CDH3: variants seen among roughly 807,000 people sequenced by gnomAD.
The protein encoded by CDH3 is cadherin 3, also known as cadherin-3.
CDH3 carries 54 observed loss-of-function variants against 82.0 expected under a neutral mutation model. The ratio of observed to expected loss-of-function variants is 0.66; its 90% CI spans 0.53 to 0.83. The LOEUF is 0.83. CDH3 is among the 40% of genes least tolerant of loss of function. The pLI, the probability that CDH3 is intolerant of heterozygous loss-of-function variation, is 0.00. For synonymous variants in CDH3, 446 were observed against 437.9 expected (o/e 1.02, Z -0.23); for missense variants, 1,054 against 1,084.6 (o/e 0.97, Z 0.40).
downstream of CDH3, among the ~76,000 whole-genome samples, chr16:68,731,193 C>T (rs1047110136): frequency 8.3e-6 from 1 of 120,918 alleles, no homozygotes; most frequent in African/African-American, 3.2e-5. Flanking sequence ...AACCCTGTCT[C>T]TACTAAAAAT....
At position 68,687,583 on chromosome 16, in the gene CDH3, CCTGAGCCCCGTCA is replaced by C. The variant is rs758116390; in HGVS notation, c.1643_1655del (p.Pro548ArgfsTer14). ...TGATGTCAATGACCATGGCCCAGTC[CCTGAGCCCCGTCA>C]GATCACCATCTGCAACCAAAGCCCT... On this transcript the variant is annotated frameshift_variant, in exon 12 of 16. Transcript: ENST00000264012. LOFTEE classifies it high-confidence loss of function. The C allele has an allele frequency of 6.2e-7, 1 of 1,614,156 alleles. No homozygotes were observed. Among genetic ancestry groups the C allele is most frequent in the Non-Finnish European group, 8.5e-7 (1 of 1,180,020 alleles).
chr16:68,727,096 C>T (rs1251361272), intron 2 of CDH3, among the ~76,000 whole-genome samples: 1 of 152,184 alleles, frequency 6.6e-6, no homozygotes, highest in African/African-American at 2.4e-5. Flanking sequence ...CAGGATAGAA[C>T]AAAAAGGCAG....
At chr16:68,696,008 C>T (rs1436968191) in intron 15 of CDH3, 85 bp downstream of exon 15, 3 of 1,463,340 alleles carry the variant, frequency 2.1e-6, no homozygotes, top group Non-Finnish European at 2.8e-6. Flanking sequence ...GGCCTGGAGT[C>T]TTGGGTCTGG....
chr16:68,694,312 C>CAAAAA (rs1162877121), intron 13 of CDH3, among the ~76,000 whole-genome samples: 1 of 74,718 alleles, frequency 1.3e-5, no homozygotes, highest in Non-Finnish European at 2.5e-5. Context: ...GACTCCCTCT[C>CAAAAA]AAAAAAAAAA....
chr16:68,648,966 T>C (rs963113660), intron 2 of CDH3, among the ~76,000 whole-genome samples: 1 of 151,628 alleles, frequency 6.6e-6, no homozygotes, highest in Non-Finnish European at 1.5e-5. Flanking sequence ...GGGTCTTGAC[T>C]AGCTCAAGAG....
Position 68,682,297 on chromosome 16 carries a change from G to A in CDH3, c.997-5G>A. 6.2e-7 allele frequency: 1 copy of A among 1,613,448 alleles called. No homozygotes were observed. Among genetic ancestry groups the A allele is most frequent in the Non-Finnish European group, 8.5e-7 (1 of 1,179,830 alleles). On this transcript the variant is annotated splice_polypyrimidine_tract_variant and splice_region_variant and intron_variant, in intron 8 of 15. Transcript: ENST00000264012. ...CTGATAGTGCTGTGCTTCTCACACT[G>A]ACAGTACGAGGCCCATGTGCCTGAG...
chr16:68,687,203 G>A (rs1401023769), intron 11 of CDH3, among the ~76,000 whole-genome samples: 1 of 152,176 alleles, frequency 6.6e-6, no homozygotes, highest in Non-Finnish European at 1.5e-5. Context: ...TTGCAGCAGG[G>A]CTGTGAAGGG....
At chr16:68,680,147 G>C (rs1254843298) in intron 7 of CDH3, among the ~76,000 whole-genome samples, 173 bp downstream of exon 7, 1 of 152,250 alleles carries the variant, frequency 6.6e-6, no homozygotes, top group African/African-American at 2.4e-5. Context: ...GGTTCCTTGG[G>C]CCTGTGGCCC....
intron 1 of CDH3, among the ~76,000 whole-genome samples, chr16:68,710,202 G>A (rs1386797905): frequency 1.3e-5 from 2 of 152,160 alleles, no homozygotes; most frequent in African/African-American, 4.8e-5. Flanking sequence ...CACCCTCTAT[G>A]GCCACAGCTC....
At chr16:68,669,616 C>CGG (rs10590233) in intron 2 of CDH3, among the ~76,000 whole-genome samples, 1 of 125,468 alleles carries the variant, frequency 8.0e-6, no homozygotes, top group African/African-American at 2.9e-5. Flanking sequence ...GGTGGGGTGG[C>CGG]GGGGGGGGTG....
At chr16:68,650,700 C>T (rs568571870) in intron 2 of CDH3, among the ~76,000 whole-genome samples, 3 of 152,238 alleles carry the variant, frequency 2.0e-5, no homozygotes, top group South Asian at 2.1e-4. Flanking sequence ...TGGAAACCTT[C>T]GGGGACCAGT....
chr16:68,683,583 T>C (rs1481736001), intron 9 of CDH3, among the ~76,000 whole-genome samples: 7 of 102,156 alleles, frequency 6.9e-5, no homozygotes, highest in Non-Finnish European at 9.3e-5. Flanking sequence ...ACCCGGGAGG[T>C]GGAGCTTGCA....
At chr16:68,696,071 G>A (rs1224261355) in intron 15 of CDH3, 148 bp downstream of exon 15, 1 of 816,814 alleles carries the variant, frequency 1.2e-6, no homozygotes, top group South Asian at 1.4e-5. Context: ...GCTTATTTGA[G>A]TAACTTCTGG....
At chr16:68,702,989 C>T (rs1279703069), downstream of CDH3, among the ~76,000 whole-genome samples, 4 of 152,146 alleles carry the variant, frequency 2.6e-5, no homozygotes, top group African/African-American at 9.7e-5. Context: ...TTGAAAAGTG[C>T]CCCAATCCCT....
chr16:68,680,051 T>G (rs1961171492), intron 7 of CDH3, 77 bp downstream of exon 7: 1 of 1,404,520 alleles, frequency 7.1e-7, no homozygotes, highest in Non-Finnish European at 1.0e-6. Flanking sequence ...CAGAAGCTCC[T>G]ATCCCTGCCC....
At chr16:68,685,523 A>C (rs1248011405) in intron 11 of CDH3, among the ~76,000 whole-genome samples, 173 bp downstream of exon 11, 1 of 152,212 alleles carries the variant, frequency 6.6e-6, no homozygotes, top group African/African-American at 2.4e-5. Context: ...GACTGGTCCT[A>C]GGCCGGATGC....
chr16:68,699,353 G>C lies in CDH3; in HGVS notation c.*953G>C, dbSNP rs1462731061. 5 of 152,374 alleles carry C rather than the reference G, an allele frequency of 3.3e-5. No homozygotes were observed. The highest frequency in any genetic ancestry group is 1.2e-4 in the African/African-American group (5 of 41,442). The allele number at this position is 152,374 out of a possible 1,614,324, so 9.4% of individuals were successfully genotyped here. ...AAGGCTGAGCCCCTCCACAGCCCCA[G>C]CAAGGTCTCTTCTGGAACAGCGGCT... On this transcript the variant is annotated 3_prime_UTR_variant, in exon 16 of 16. Coordinates refer to ENST00000264012, the MANE Select transcript of CDH3 (RefSeq NM_001793.6).
At chr16:68,701,326 A>G (rs758349315), downstream of CDH3, among the ~76,000 whole-genome samples, 4 of 152,122 alleles carry the variant, frequency 2.6e-5, no homozygotes, top group Admixed American at 6.6e-5. Flanking sequence ...CCTGCTTCTC[A>G]TCTGCAAAAC....
chr16:68,689,073 G>A (rs1279581039), intron 12 of CDH3, among the ~76,000 whole-genome samples: 1 of 152,142 alleles, frequency 6.6e-6, no homozygotes, highest in Non-Finnish European at 1.5e-5. Context: ...TTTTCTGTTT[G>A]CCCTTGTTCT....
Sources: gnomAD v4.1 joint callset for allele counts (sites outside exome capture counted in the v4.1 genomes callset) on GRCh38, gnomAD v4.1.1 for gene constraint, MANE v1.5 for transcripts, NCBI Gene and HGNC (gene_info 2026-07-23, HGNC 2026-07-21) for gene names.